The following CD200R1 variants were observed in gnomAD, a reference collection of about 807,000 sequenced individuals.
CD200R1 encodes the protein cell surface glycoprotein CD200 receptor 1.
CD200R1 carries 30 observed loss-of-function variants against 38.1 expected under a neutral mutation model. That is an observed-to-expected ratio of 0.79 (90% CI 0.59 to 1.07). The LOEUF (loss-of-function observed/expected upper bound fraction) is 1.07, where lower values mean the gene tolerates loss of function less well. Ranked by LOEUF, CD200R1 falls within the 50% of genes least tolerant of loss-of-function variation. The pLI, the probability that CD200R1 is intolerant of heterozygous loss-of-function variation, is 0.00. For synonymous variants in CD200R1, 128 were observed against 152.1 expected (o/e 0.84, Z 1.16); for missense variants, 372 against 415.4 (o/e 0.90, Z 0.91).
chr3:112,964,026 G>C (rs1933090507), intron 1 of CD200R1, among the ~76,000 whole-genome samples: 1 of 152,326 alleles, frequency 6.6e-6, no homozygotes, highest in Admixed American at 6.5e-5. Flanking sequence ...GCCTCAAGCT[G>C]TGGCAGCTTC....
intron 1 of CD200R1, among the ~76,000 whole-genome samples, chr3:112,974,001 C>T (rs151176175): frequency 0.018 from 2,703 of 152,202 alleles, 29 homozygotes; most frequent in South Asian, 0.047. Flanking sequence ...ACATCACAGA[C>T]GCACCACTGT....
intron 2 of CD200R1, among the ~76,000 whole-genome samples, chr3:112,939,508 T>C (rs138583094): frequency 2.0e-5 from 3 of 151,630 alleles, no homozygotes; most frequent in Non-Finnish European, 3.0e-5. Context: ...AAGGAAATCA[T>C]GAAAGCAATC....
At chr3:112,958,211 A>T (rs1199199000) in intron 1 of CD200R1, among the ~76,000 whole-genome samples, 1 of 152,172 alleles carries the variant, frequency 6.6e-6, no homozygotes. Flanking sequence ...ATTTGCAAAT[A>T]TGTATTCAAA....
At chr3:112,969,258 T>C (rs1266569043) in intron 1 of CD200R1, among the ~76,000 whole-genome samples, 1 of 151,912 alleles carries the variant, frequency 6.6e-6, no homozygotes, top group East Asian at 1.9e-4. Context: ...TATATAGCAA[T>C]AGAAATTATT....
At chr3:112,934,432 AT>A (rs1940528319) in intron 2 of CD200R1, among the ~76,000 whole-genome samples, 1 of 152,166 alleles carries the variant, frequency 6.6e-6, no homozygotes, top group Non-Finnish European at 1.5e-5. Flanking sequence ...GAAAAAAAAA[AT>A]CAATAAAATG....
chr3:112,973,045 A>G (rs1000470763), intron 1 of CD200R1, among the ~76,000 whole-genome samples: 1 of 152,234 alleles, frequency 6.6e-6, no homozygotes, highest in African/African-American at 2.4e-5. Flanking sequence ...TAGATCTGCT[A>G]TATGTAGTCT....
chr3:112,924,785 T>G (rs1299384490), intron 6 of CD200R1, among the ~76,000 whole-genome samples: 1 of 152,074 alleles, frequency 6.6e-6, no homozygotes, highest in Non-Finnish European at 1.5e-5. Flanking sequence ...GCATGTAACA[T>G]CTCCTCTTTG....
At chr3:112,947,727 C>T (rs1018122441) in intron 2 of CD200R1, 129 bp downstream of exon 2, 15 of 526,622 alleles carry the variant, frequency 2.8e-5, no homozygotes, top group Non-Finnish European at 4.8e-5. Flanking sequence ...AATTTATTAA[C>T]ACTCTTAAAT....
intron 2 of CD200R1, among the ~76,000 whole-genome samples, chr3:112,945,145 T>G (rs1042195402): frequency 1.3e-5 from 2 of 152,164 alleles, no homozygotes; most frequent in Non-Finnish European, 1.5e-5. Context: ...TCCCAGTTTT[T>G]CCCAACTTGA....
intron 3 of CD200R1, among the ~76,000 whole-genome samples, chr3:112,930,901 AG>A (rs1350226587): frequency 6.6e-6 from 1 of 152,216 alleles, no homozygotes; most frequent in Admixed American, 6.5e-5. Context: ...ACCTTAGCAA[AG>A]GTTCAGAGAC....
chr3:112,972,571 C>T (rs755867898), intron 1 of CD200R1, among the ~76,000 whole-genome samples: 3 of 152,062 alleles, frequency 2.0e-5, no homozygotes, highest in Non-Finnish European at 4.4e-5. Flanking sequence ...AGAAGTGGCA[C>T]AGGGTACGGG....
intron 2 of CD200R1, among the ~76,000 whole-genome samples, chr3:112,939,230 A>C (rs999609817): frequency 1.3e-5 from 2 of 151,880 alleles, no homozygotes; most frequent in Non-Finnish European, 2.9e-5. Context: ...AAAAGTGCCT[A>C]CTCTCACCCT....
intron 1 of CD200R1, among the ~76,000 whole-genome samples, chr3:112,966,737 G>A (rs780228387): frequency 1.1e-4 from 17 of 152,118 alleles, no homozygotes; most frequent in Non-Finnish European, 2.5e-4. Flanking sequence ...AACACATTCA[G>A]GTTTCCCCTA....
intron 1 of CD200R1, 121 bp downstream of exon 1, chr3:112,974,670 C>G (rs1368475115): frequency 4.3e-6 from 3 of 698,576 alleles, no homozygotes; most frequent in South Asian, 1.6e-5. Context: ...CCATATTTAG[C>G]AACCCCCTAT....
At chr3:112,955,681 G>A (rs1312453786) in intron 1 of CD200R1, among the ~76,000 whole-genome samples, 4 of 151,712 alleles carry the variant, frequency 2.6e-5, no homozygotes, top group Admixed American at 6.6e-5. Context: ...AGTCAGGTCT[G>A]GTGGTGAGAA....
chr3:112,967,644 T>A (rs547895052), intron 1 of CD200R1, among the ~76,000 whole-genome samples: 2 of 152,364 alleles, frequency 1.3e-5, no homozygotes, highest in African/African-American at 2.4e-5. Context: ...TCTAAATTAC[T>A]GGCTGACAGA....
intron 1 of CD200R1, among the ~76,000 whole-genome samples, chr3:112,961,727 CA>C (rs537571600): frequency 2.5e-4 from 38 of 151,812 alleles, no homozygotes; most frequent in Non-Finnish European, 4.9e-4. Flanking sequence ...TGTTGCCAAG[CA>C]AAAACCTGGG....
chr3:112,924,852 C>T (rs1408916152), intron 6 of CD200R1, among the ~76,000 whole-genome samples: 1 of 152,090 alleles, frequency 6.6e-6, no homozygotes, highest in African/African-American at 2.4e-5. Context: ...TGCACTTTCT[C>T]TCCCAAGATC....
At chr3:112,968,690 A>T (rs1410345290) in intron 1 of CD200R1, among the ~76,000 whole-genome samples, 1 of 152,224 alleles carries the variant, frequency 6.6e-6, no homozygotes. Flanking sequence ...CTGAAAAGTG[A>T]CAGAGTCAGA....
Sources: gnomAD v4.1 joint callset for allele counts (sites outside exome capture counted in the v4.1 genomes callset) on GRCh38, gnomAD v4.1.1 for gene constraint, MANE v1.5 for transcripts, NCBI Gene and HGNC (gene_info 2026-07-23, HGNC 2026-07-21) for gene names.